Variants in HIBADH observed in about 807,000 individuals in gnomAD.
HIBADH encodes the protein 3-hydroxyisobutyrate dehydrogenase, mitochondrial.
Under a neutral mutation model 36.1 loss-of-function variants are expected in HIBADH, and 25 were observed. That is an observed-to-expected ratio of 0.69 (90% CI 0.50 to 0.97). HIBADH has a LOEUF of 0.97. HIBADH is among the 50% of genes least tolerant of loss of function. The pLI is 0.00. For missense variants in HIBADH, 421 were observed against 418.0 expected, an observed-to-expected ratio of 1.01 and a Z score of -0.06; for synonymous variants, 160 against 149.5, an observed-to-expected ratio of 1.07 and a Z score of -0.51.
intron 2 of HIBADH, among the ~76,000 whole-genome samples, chr7:27,641,031 T>C (rs1212073480): frequency 1.3e-5 from 2 of 152,080 alleles, no homozygotes; most frequent in African/African-American, 2.4e-5. Context: ...GAACGGCAGG[T>C]GGCCATCTTG....
intron 4 of HIBADH, among the ~76,000 whole-genome samples, chr7:27,605,586 CAAAAAAAAAA>C (rs70994666): frequency 0.028 from 952 of 33,622 alleles, 4 homozygotes; most frequent in African/African-American, 0.09. Flanking sequence ...TTTAGACAAG[CAAAAAAAAAA>C]AAAAAAAAAA....
At chr7:27,580,607 A>G (rs899924891) in intron 4 of HIBADH, among the ~76,000 whole-genome samples, 4 of 152,210 alleles carry the variant, frequency 2.6e-5, no homozygotes, top group African/African-American at 9.6e-5. Context: ...TGCAATTTAT[A>G]TCTTTTTTAC....
At chr7:27,549,350 C>A (rs978592003) in intron 4 of HIBADH, among the ~76,000 whole-genome samples, 2 of 152,100 alleles carry the variant, frequency 1.3e-5, no homozygotes, top group African/African-American at 2.4e-5. Flanking sequence ...ATATTTACAT[C>A]TTTCAAAATA....
chr7:27,632,763 G>A (rs1435879492), intron 2 of HIBADH, among the ~76,000 whole-genome samples: 1 of 152,004 alleles, frequency 6.6e-6, no homozygotes, highest in East Asian at 1.9e-4. Flanking sequence ...CTTCCAAGTT[G>A]GATTCCTAAA....
rs77360084 is a variant in HIBADH at position 27,567,039 on chromosome 7, T to A, written c.485-23939A>T. Among the ~76,000 whole-genome samples the A allele has an allele frequency of 4.6e-3, 696 of 152,284 alleles. 8 individuals carry two copies. Among genetic ancestry groups the A allele is most frequent in the African/African-American group, 0.016 (681 of 41,572 alleles). ...GAGTGTTCTATACATGTCAATTAGG[T>A]TCATTTGATTGACGATGTTGCTCAA... On this transcript the variant is annotated intron_variant, in intron 4 of 7. Coordinates refer to ENST00000265395, the MANE Select transcript of HIBADH (RefSeq NM_152740.4).
chr7:27,648,324 A>G (rs553866720), intron 2 of HIBADH, among the ~76,000 whole-genome samples: 1 of 152,354 alleles, frequency 6.6e-6, no homozygotes, highest in Non-Finnish European at 1.5e-5. Flanking sequence ...AGAAGCAGCC[A>G]CAACACTACC....
intron 7 of HIBADH, among the ~76,000 whole-genome samples, chr7:27,526,717 CAAG>C (rs1414223129): frequency 1.3e-5 from 2 of 151,978 alleles, no homozygotes; most frequent in African/African-American, 4.8e-5. Flanking sequence ...TAAATGAAAA[CAAG>C]GAGAAATAAA....
chr7:27,555,795 G>C (rs1784381294), intron 4 of HIBADH, among the ~76,000 whole-genome samples: 1 of 152,174 alleles, frequency 6.6e-6, no homozygotes, highest in Admixed American at 6.5e-5. Context: ...GATTCATGCA[G>C]TATTTGCCAA....
intron 4 of HIBADH, among the ~76,000 whole-genome samples, chr7:27,591,605 T>G (rs529158859): frequency 1.3e-5 from 2 of 152,268 alleles, no homozygotes; most frequent in South Asian, 4.1e-4. Flanking sequence ...CTGCCTTCAG[T>G]GAAGAGCGTG....
At chr7:27,602,677 A>G (rs1317469611) in intron 4 of HIBADH, among the ~76,000 whole-genome samples, 1 of 152,190 alleles carries the variant, frequency 6.6e-6, no homozygotes, top group African/African-American at 2.4e-5. Flanking sequence ...TTACATTACA[A>G]GGCGTCAGTC....
intron 4 of HIBADH, among the ~76,000 whole-genome samples, chr7:27,576,271 A>G (rs1321618553): frequency 1.3e-5 from 2 of 152,220 alleles, no homozygotes; most frequent in Non-Finnish European, 2.9e-5. Flanking sequence ...TGGAGGCGGT[A>G]ACAAGGTTAA....
intron 4 of HIBADH, among the ~76,000 whole-genome samples, chr7:27,590,968 G>GA (rs1784930898): frequency 1.3e-5 from 2 of 152,052 alleles, no homozygotes; most frequent in Non-Finnish European, 2.9e-5. Context: ...CAGGATCTCA[G>GA]GAAAAATATT....
chr7:27,635,392 G>A (rs1785821724), intron 2 of HIBADH, among the ~76,000 whole-genome samples: 1 of 152,136 alleles, frequency 6.6e-6, no homozygotes, highest in South Asian at 2.1e-4. Flanking sequence ...ATGGATCAGT[G>A]AAAGGAACAC....
intron 4 of HIBADH, among the ~76,000 whole-genome samples, chr7:27,571,295 C>T (rs2037638): frequency 0.76 from 115,186 of 152,062 alleles, 44,044 homozygotes; most frequent in East Asian, 0.94. Context: ...TGATCTTGGT[C>T]TACTGCAACC....
intron 4 of HIBADH, among the ~76,000 whole-genome samples, chr7:27,555,693 T>C (rs1349180491): frequency 1.3e-5 from 2 of 152,220 alleles, no homozygotes; most frequent in Admixed American, 1.3e-4. Context: ...ATATGTATTA[T>C]TTATTTGGAT....
At chr7:27,585,286 C>A (rs1784844202) in intron 4 of HIBADH, among the ~76,000 whole-genome samples, 1 of 151,560 alleles carries the variant, frequency 6.6e-6, no homozygotes, top group Admixed American at 6.6e-5. Context: ...TGTATATGCA[C>A]ACACGTGTGT....
intron 4 of HIBADH, among the ~76,000 whole-genome samples, chr7:27,553,721 A>G (rs1458180592): frequency 6.6e-6 from 1 of 152,244 alleles, no homozygotes; most frequent in Non-Finnish European, 1.5e-5. Context: ...GGTTTACAAT[A>G]AAACACTAAA....
intron 4 of HIBADH, among the ~76,000 whole-genome samples, chr7:27,604,832 A>C (rs1040878725): frequency 6.6e-6 from 1 of 152,104 alleles, no homozygotes; most frequent in African/African-American, 2.4e-5. Context: ...TTTTGCTTTT[A>C]AGTGGGAACA....
intron 4 of HIBADH, among the ~76,000 whole-genome samples, chr7:27,574,735 A>G (rs1195654194): frequency 6.6e-6 from 1 of 152,206 alleles, no homozygotes. Context: ...TTCAAAATCC[A>G]TGTATCTTCC....
Sources: gnomAD v4.1 joint callset for allele counts (sites outside exome capture counted in the v4.1 genomes callset) on GRCh38, gnomAD v4.1.1 for gene constraint, MANE v1.5 for transcripts, NCBI Gene and HGNC (gene_info 2026-07-23, HGNC 2026-07-21) for gene names.